Variants in SHH observed in about 807,000 individuals in gnomAD.
SHH encodes the protein sonic hedgehog protein.
A neutral mutation model predicts 16.6 loss-of-function variants in SHH; 3 were observed. That is an observed-to-expected ratio of 0.18 (90% confidence interval 0.08 to 0.47). The LOEUF is 0.47. SHH is among the 20% of genes least tolerant of loss of function. The probability of loss-of-function intolerance (pLI) is 0.98; values close to 1 mark genes in which losing one functional copy is unlikely to be tolerated. For missense variants in SHH, 499 were observed against 665.0 expected, an observed-to-expected ratio of 0.75 and a Z score of 2.75; for synonymous variants, 351 against 316.2, an observed-to-expected ratio of 1.11 and a Z score of -1.17.
chr7:155,803,868 C>T, intron 2 of SHH, 142 bp from the exon 3 acceptor site: 1 of 692,794 alleles, frequency 1.4e-6, no homozygotes, highest in South Asian at 1.8e-5. Flanking sequence ...GCGATTGATT[C>T]CAGGCGGGTC....
Position 155,812,168 on chromosome 7 carries a change from C to A in SHH, c.-46G>T, listed in dbSNP as rs970597183. The A allele has an allele frequency of 6.3e-7, 1 of 1,599,044 alleles. No individual in the cohort carries two copies. The highest frequency in any genetic ancestry group is 8.6e-7 in the Non-Finnish European group (1 of 1,167,214). On this transcript the variant is annotated 5_prime_UTR_variant, in exon 1 of 3. Coordinates refer to ENST00000297261, the MANE Select transcript of SHH (RefSeq NM_000193.4). Reference sequence around the variant, plus strand: ...CTTCCGAGCTGTCCCCGTGCGGGTCCGTGCGCGAGTGCGCGCGGCGGGTGT... The same window carrying A: ...CTTCCGAGCTGTCCCCGTGCGGGTCAGTGCGCGAGTGCGCGCGGCGGGTGT...
At position 155,800,568 on chromosome 7, in the gene SHH, C is replaced by T. The variant is rs908054199; in HGVS notation, c.*2332G>A. 3 of 470,806 alleles carry T rather than the reference C, an allele frequency of 6.4e-6. No individual in the cohort carries two copies. Among genetic ancestry groups the T allele is most frequent in the Non-Finnish European group, 1.3e-5 (3 of 227,056 alleles). The allele number at this position is 470,806 out of a possible 1,614,324, so 29.2% of individuals were successfully genotyped here. On this transcript the variant is annotated 3_prime_UTR_variant, in exon 3 of 3. Transcript: ENST00000297261. ...GCTGCTGTGCCCGGTGCTTCTGGTT[C>T]GCTTTCGACTGACTTGAAATCAGAC... is the stretch of plus-strand genomic sequence containing the variant.
Position 155,803,630 on chromosome 7 carries a change from G to C in SHH, c.659C>G (p.Pro220Arg), listed in dbSNP as rs774823152. The change falls in exon 3 of 3, where the codon CCC becomes CGC. Residue 220 changes from proline to arginine, a missense_variant. Around this residue, in one of 4 missense-constraint regions of SHH, gnomAD observed 114 missense variants for 200.4 expected, o/e 0.57. Transcript: ENST00000297261. ...GGTKLVKDLS[P>R]GDRVLAADDQ... is the part of the protein sequence containing the mutation. Reference sequence around the variant, plus strand: ...GTCCGCCGCCAGCACGCGGTCCCCGGGGCTCAGGTCCTTCACCAGCTTGGT... The same window carrying C: ...GTCCGCCGCCAGCACGCGGTCCCCGCGGCTCAGGTCCTTCACCAGCTTGGT... 3 of 1,598,314 alleles carry C rather than the reference G, an allele frequency of 1.9e-6. No individual in the cohort carries two copies. The South Asian group carries it at 3.3e-5, about 18-fold the overall frequency.
chr7:155,806,177 G>T, intron 2 of SHH, 119 bp downstream of exon 2: 3 of 1,297,682 alleles, frequency 2.3e-6, no homozygotes, highest in Non-Finnish European at 3.3e-6. Context: ...CGCAGTCATC[G>T]CCCAGCGACC....
rs1454402460 is a variant in SHH at position 155,801,571 on chromosome 7, C to T, written c.*1329G>A. The stretch of plus-strand genomic sequence containing the variant: ...TGGGGTGAGGGGGACAGCACAGTCC[C>T]CACGAATGGCACTCCCAACCTTTGG... On this transcript the variant is annotated 3_prime_UTR_variant, in exon 3 of 3. Coordinates refer to ENST00000297261, the MANE Select transcript of SHH (RefSeq NM_000193.4). 2 of 152,212 alleles carry T rather than the reference C, an allele frequency of 1.3e-5. No homozygotes were observed. The highest frequency in any genetic ancestry group is 1.3e-4 in the Admixed American group (2 of 15,280). 9.4% of individuals were successfully genotyped at this position (152,212 alleles called of 1,614,324 possible).
rs772586642 is a variant in SHH, at chr7:155,803,744, G to A, written c.563-18C>T. 2 of 1,586,318 alleles carry A rather than the reference G, an allele frequency of 1.3e-6. No individual in the cohort carries two copies. The highest frequency in any genetic ancestry group is 3.3e-5 in the Admixed American group (2 of 59,936). On this transcript the variant is annotated intron_variant, in intron 2 of 2. Coordinates refer to ENST00000297261, the MANE Select transcript of SHH (RefSeq NM_000193.4). ...CGAGTTCTCTGCGGGTGAGGAGAAG[G>A]GAAAGAAGAGAGGACAGGGCATTGA...
At position 155,800,026 on chromosome 7, in the gene SHH, G is replaced by A. The variant is rs1292529348; in HGVS notation, c.*2874C>T. ...AATTATTCAAACAATAGAGCACAAAGATAACAGTTTCAAGTACATTGTGAT... is the reference window on the plus strand; with the variant it reads ...AATTATTCAAACAATAGAGCACAAAAATAACAGTTTCAAGTACATTGTGAT... On this transcript the variant is annotated 3_prime_UTR_variant, in exon 3 of 3. Transcript: ENST00000297261. 4.2e-6 allele frequency: 2 copies of A among 471,278 alleles called. No individual in the cohort carries two copies. Among genetic ancestry groups the A allele is most frequent in the East Asian group, 6.9e-5 (1 of 14,398 alleles). The allele number at this position is 471,278 out of a possible 1,614,324, so 29.2% of individuals were successfully genotyped here. A position where few individuals can be genotyped will look rare whatever the true frequency, so the allele number is the denominator to read the frequency against.
In SHH at chr7:155,800,426, C is replaced by G; in HGVS notation, c.*2474G>C. On this transcript the variant is annotated 3_prime_UTR_variant, in exon 3 of 3. Coordinates refer to ENST00000297261, the MANE Select transcript of SHH (RefSeq NM_000193.4). ...AAGCTCTGCTCCAAGGTGCCCCAGT[C>G]ACCAGCAGAGTTGCACCATGGCCTC... The G allele has an allele frequency of 7.5e-6, 3 of 399,364 alleles. No individual in the cohort carries two copies. The highest frequency in any genetic ancestry group is 5.6e-5 in the South Asian group (3 of 53,846). 24.7% of individuals were successfully genotyped at this position (399,364 alleles called of 1,614,324 possible). A position where few individuals can be genotyped will look rare whatever the true frequency, so the allele number is the denominator to read the frequency against.
Position 155,802,890 on chromosome 7 carries a change from C to G in SHH, c.*10G>C. The G allele has an allele frequency of 7.5e-7, 1 of 1,331,654 alleles. No individual in the cohort carries two copies. The highest frequency in any genetic ancestry group is 3.0e-5 in the East Asian group (1 of 33,012). The allele number at this position is 1,331,654 out of a possible 1,614,324, so 82.5% of individuals were successfully genotyped here. Reference sequence around the variant, plus strand: ...GCCCCCTCCCGCGCCCCTCCCCCGGCCCCCCGGCTTCAGCTGGACTTGACC... The same window carrying G: ...GCCCCCTCCCGCGCCCCTCCCCCGGGCCCCCGGCTTCAGCTGGACTTGACC... On this transcript the variant is annotated 3_prime_UTR_variant, in exon 3 of 3. Coordinates refer to ENST00000297261, the MANE Select transcript of SHH (RefSeq NM_000193.4).
intron 1 of SHH, among the ~76,000 whole-genome samples, chr7:155,808,689 T>TA (rs894571430): frequency 5.3e-5 from 8 of 152,108 alleles, no homozygotes; most frequent in Non-Finnish European, 1.0e-4. Context: ...GGCCGGTTAT[T>TA]AATTCATTGG....
Position 155,803,146 on chromosome 7 carries a change from G to T in SHH, c.1143C>A (p.Arg381=). The change falls in exon 3 of 3, where the codon CGC becomes CGA. Residue 381 remains arginine (R), a synonymous_variant. Transcript: ENST00000297261. ...SWAHRAFAPF[R]LAHALLAALA... ...GTGCAGCCAGGAGCGCGTGCGCCAG[G>T]CGGAAGGGCGCGAAGGCCCGGTGCG... 4 of 1,427,952 alleles carry T rather than the reference G, an allele frequency of 2.8e-6. No individual in the cohort carries two copies. Among genetic ancestry groups the T allele is most frequent in the Non-Finnish European group, 3.7e-6 (4 of 1,087,530 alleles). 88.5% of individuals were successfully genotyped at this position (1,427,952 alleles called of 1,614,324 possible). A position where few individuals can be genotyped will look rare whatever the true frequency, so the allele number is the denominator to read the frequency against.
In SHH at chr7:155,809,683, C is replaced by T. The variant is rs1037064846; in HGVS notation, c.300+2140G>A. Among the ~76,000 whole-genome samples, 3 of 152,070 alleles carry T rather than the reference C, an allele frequency of 2.0e-5. No homozygotes were observed. Among genetic ancestry groups the T allele is most frequent in the Non-Finnish European group, 4.4e-5 (3 of 68,000 alleles). The stretch of plus-strand genomic sequence containing the variant: ...GTGTTGGGAACGGGAATAGCCACTG[C>T]CCAAGGAAAAAAGTATTTGTTTTCG... On this transcript the variant is annotated intron_variant, in intron 1 of 2. Transcript: ENST00000297261. The surrounding 1 kb of genome is among the most constrained non-coding windows in gnomAD (Gnocchi z 6.1).
rs1166368389 is a variant in SHH, at chr7:155,800,014, A to G, written c.*2886T>C. On this transcript the variant is annotated 3_prime_UTR_variant, in exon 3 of 3. Coordinates refer to ENST00000297261, the MANE Select transcript of SHH (RefSeq NM_000193.4). ...TGTAATTTCTTTAATTATTCAAACA[A>G]TAGAGCACAAAGATAACAGTTTCAA... 3 of 470,476 alleles carry G rather than the reference A, an allele frequency of 6.4e-6. No individual in the cohort carries two copies. Among genetic ancestry groups the G allele is most frequent in the East Asian group, 1.4e-4 (2 of 14,404 alleles). 29.1% of individuals were successfully genotyped at this position (470,476 alleles called of 1,614,324 possible). A position where few individuals can be genotyped will look rare whatever the true frequency, so the allele number is the denominator to read the frequency against.
intron 1 of SHH, among the ~76,000 whole-genome samples, chr7:155,808,278 C>T (rs1803418264): frequency 6.6e-6 from 1 of 151,820 alleles, no homozygotes; most frequent in African/African-American, 2.4e-5. Context: ...GATGTGAGGC[C>T]CGTTGCGCGC....
chr7:155,811,847 G>A lies in SHH; in HGVS notation c.276C>T (p.Thr92=), dbSNP rs1008384764. ...CCTGAGTCATCAGCCTGTCCGCTCC[G>A]GTGTTTTCTTCATCCTTAAATATGA... ...PDIIFKDEEN[T]GADRLMTQRC... is the part of the protein sequence containing the mutation. The change falls in exon 1 of 3, where the codon ACC becomes ACT. Residue 92 remains threonine (T), a synonymous_variant. Coordinates refer to ENST00000297261, the MANE Select transcript of SHH (RefSeq NM_000193.4). 3 of 1,614,032 alleles carry A rather than the reference G, an allele frequency of 1.9e-6. No individual in the cohort carries two copies. The highest frequency in any genetic ancestry group is 2.5e-6 in the Non-Finnish European group (3 of 1,180,030).
chr7:155,804,671 G>C (rs969856865), intron 2 of SHH, among the ~76,000 whole-genome samples: 13 of 152,158 alleles, frequency 8.5e-5, no homozygotes, highest in Non-Finnish European at 1.5e-4. Flanking sequence ...CGGAGCGCTG[G>C]AAGCGCCGGG....
In SHH at chr7:155,800,283, G is replaced by T. The variant is rs761669909; in HGVS notation, c.*2617C>A. ...GAATTTTAAATATAAAGCAGTGGAC[G>T]CATCTTAAGAAGATGGACCAGGAGG... On this transcript the variant is annotated 3_prime_UTR_variant, in exon 3 of 3. Coordinates refer to ENST00000297261, the MANE Select transcript of SHH (RefSeq NM_000193.4). The T allele has an allele frequency of 4.3e-6, 2 of 463,192 alleles. No individual in the cohort carries two copies. The highest frequency in any genetic ancestry group is 1.6e-5 in the South Asian group (1 of 64,248). The allele number at this position is 463,192 out of a possible 1,614,324, so 28.7% of individuals were successfully genotyped here.
At position 155,803,422 on chromosome 7, in the gene SHH, C is replaced by G; in HGVS notation, c.867G>C (p.Ser289=). The G allele has an allele frequency of 2.6e-6, 4 of 1,530,166 alleles. No homozygotes were observed. The highest frequency in any genetic ancestry group is 3.5e-6 in the Non-Finnish European group (4 of 1,143,958). 94.8% of individuals were successfully genotyped at this position (1,530,166 alleles called of 1,614,324 possible). Reference sequence around the variant, plus strand: ...CGCCCCCGGAAGGCGGCCCCGAGCCCGAGGACGCCTCGGGCTCCCCGGTGG... The same window carrying G: ...CGCCCCCGGAAGGCGGCCCCGAGCCGGAGGACGCCTCGGGCTCCCCGGTGG... ...DSATGEPEAS[S]GSGPPSGGAL... The change falls in exon 3 of 3, where the codon TCG becomes TCC. Residue 289 remains serine (S), a synonymous_variant. Transcript: ENST00000297261.
Position 155,802,871 on chromosome 7 carries a change from T to G in SHH, c.*29A>C. On this transcript the variant is annotated 3_prime_UTR_variant, in exon 3 of 3. Transcript: ENST00000297261. ...GCTGTTGCTGCCCCGCCCCGCCCCCTCCCGCGCCCCTCCCCCGGCCCCCCG... is the reference window on the plus strand; with the variant it reads ...GCTGTTGCTGCCCCGCCCCGCCCCCGCCCGCGCCCCTCCCCCGGCCCCCCG... The G allele has an allele frequency of 5.1e-5, 13 of 257,216 alleles. No homozygotes were observed. Among genetic ancestry groups the G allele is most frequent in the South Asian group, 1.1e-4 (1 of 9,094 alleles). 15.9% of individuals were successfully genotyped at this position (257,216 alleles called of 1,614,324 possible).
Sources: gnomAD v4.1 joint callset for allele counts (sites outside exome capture counted in the v4.1 genomes callset) on GRCh38, gnomAD v4.1.1 for gene constraint, gnomAD v4.1.1 regional missense constraint, Gnocchi (gnomAD v3.1) non-coding constraint, MANE v1.5 for transcripts, NCBI Gene and HGNC (gene_info 2026-07-23, HGNC 2026-07-21) for gene names.